The following DNAJA2 variants were observed in gnomAD, a reference collection of about 807,000 sequenced individuals.
The protein encoded by DNAJA2 is dnaJ homolog subfamily A member 2.
A neutral mutation model predicts 49.3 loss-of-function variants in DNAJA2; 6 were observed. The observed-to-expected ratio is 0.12, with a 90% CI of 0.07 to 0.24. The LOEUF (loss-of-function observed/expected upper bound fraction) is 0.24, where lower values mean the gene tolerates loss of function less well. Among genes scored for constraint, DNAJA2 ranks in the 10% least tolerant of loss-of-function variants. The pLI is 1.00. For synonymous variants in DNAJA2, 160 were observed against 172.7 expected, an observed-to-expected ratio of 0.93 and a Z score of 0.58; for missense variants, 347 against 516.8, an observed-to-expected ratio of 0.67 and a Z score of 3.19.
intron 8 of DNAJA2, among the ~76,000 whole-genome samples, chr16:46,957,617 T>TA (rs1384784087): frequency 6.0e-5 from 9 of 149,494 alleles, no homozygotes; most frequent in African/African-American, 2.2e-4. Flanking sequence ...AAAAAAAAGT[T>TA]AAAAAAAGGA....
At position 46,973,625 on chromosome 16, in the gene DNAJA2, AGTCGGGCCCACAAGCGGC is replaced by A; in HGVS notation, c.-71_-54del. The A allele has an allele frequency of 6.4e-7, 1 of 1,561,220 alleles. No individual in the cohort carries two copies. The highest frequency in any genetic ancestry group is 1.1e-5 in the South Asian group (1 of 87,910). On this transcript the variant is annotated 5_prime_UTR_variant, in exon 1 of 9. Coordinates refer to ENST00000317089, the MANE Select transcript of DNAJA2 (RefSeq NM_005880.4). Reference sequence around the variant, plus strand: ...GAAGGTGGCGAAGCAGACAGAGCGGAGTCGGGCCCACAAGCGGCGTCGGCGGCGGCACAGGCCGAGGGA... The same window carrying A: ...GAAGGTGGCGAAGCAGACAGAGCGGAGTCGGCGGCGGCACAGGCCGAGGGA...
chr16:46,966,541 A>T (rs1455146002), intron 5 of DNAJA2, among the ~76,000 whole-genome samples: 1 of 152,212 alleles, frequency 6.6e-6, no homozygotes, highest in South Asian at 2.1e-4. Flanking sequence ...ACAGAAAAAA[A>T]TTCTATTGGA....
chr16:46,965,526 A>G (rs1961956643), intron 5 of DNAJA2, among the ~76,000 whole-genome samples: 1 of 152,180 alleles, frequency 6.6e-6, no homozygotes, highest in Non-Finnish European at 1.5e-5. Flanking sequence ...TCTGCAAAAC[A>G]CGTTCTTCAA....
chr16:46,973,670 A>C lies in DNAJA2; in HGVS notation c.-98T>G. 2 of 1,296,656 alleles carry C rather than the reference A, an allele frequency of 1.5e-6. No homozygotes were observed. The highest frequency in any genetic ancestry group is 2.1e-5 in the Admixed American group (1 of 48,198). The allele number at this position is 1,296,656 out of a possible 1,614,324, so 80.3% of individuals were successfully genotyped here. A position where few individuals can be genotyped will look rare whatever the true frequency, so the allele number is the denominator to read the frequency against. ...TCGGCGGCGGCACAGGCCGAGGGAG[A>C]CAGCGAGGGGGAAGCGGGGGCGGGG... On this transcript the variant is annotated 5_prime_UTR_variant, in exon 1 of 9. Coordinates refer to ENST00000317089, the MANE Select transcript of DNAJA2 (RefSeq NM_005880.4).
chr16:46,964,457 C>T (rs1411434912), intron 6 of DNAJA2, among the ~76,000 whole-genome samples, 154 bp downstream of exon 6: 4 of 152,204 alleles, frequency 2.6e-5, no homozygotes, highest in Non-Finnish European at 4.4e-5. Context: ...GTCTTTCTTA[C>T]ACAAGCCCGT....
chr16:46,973,352 C>T, intron 1 of DNAJA2, 143 bp downstream of exon 1: 1 of 652,804 alleles, frequency 1.5e-6, no homozygotes, highest in Non-Finnish European at 2.0e-6. Flanking sequence ...GCCGGTCCCG[C>T]CGCCGCCGCC....
chr16:46,970,730 C>CAGAAAAAAA lies in DNAJA2; in HGVS notation c.362+618_362+619insTTTTTTTCT, dbSNP rs1962032663. Among the ~76,000 whole-genome samples, 2 of 32,200 alleles carry CAGAAAAAAA rather than the reference C, an allele frequency of 6.2e-5. 1 individual carries two copies. The highest frequency in any genetic ancestry group is 1.1e-4 in the Non-Finnish European group (2 of 17,694). 21.1% of individuals were successfully genotyped at this position (32,200 alleles called of 152,430 possible). A position where few individuals can be genotyped will look rare whatever the true frequency, so the allele number is the denominator to read the frequency against. On this transcript the variant is annotated intron_variant, in intron 3 of 8. Coordinates refer to ENST00000317089, the MANE Select transcript of DNAJA2 (RefSeq NM_005880.4). ...AACCCGGGCGACAGGGACTCCATTT[C>CAGAAAAAAA]AAAAAAAAAAAAAAAAAAAAAAAAA...
chr16:46,963,439 C>A (rs1187491548), intron 6 of DNAJA2, among the ~76,000 whole-genome samples: 1 of 150,960 alleles, frequency 6.6e-6, no homozygotes, highest in Non-Finnish European at 1.5e-5. Context: ...GAAGTTGAGA[C>A]AGGAGGATCG....
chr16:46,959,468 T>TA, intron 6 of DNAJA2, 49 bp from the exon 7 acceptor site: 1 of 1,518,574 alleles, frequency 6.6e-7, no homozygotes, highest in Non-Finnish European at 9.1e-7. Context: ...ATTATGGAGG[T>TA]ACACCCTGCA....
chr16:46,958,736 A>T, intron 8 of DNAJA2: 1 of 322,656 alleles, frequency 3.1e-6, no homozygotes, highest in Non-Finnish European at 5.7e-6. Context: ...CCGAGACTAC[A>T]CCACTGCACT....
At position 46,957,152 on chromosome 16, in the gene DNAJA2, C is replaced by T. The variant is rs908391216; in HGVS notation, c.1116G>A (p.Glu372=). ...CTCGAGTGCTATCAAATTCCTGAAG[C>T]TCTACCTCCTCTGTTTCTCCAATTA... ...PNIIGETEEV[E]LQEFDSTRGS... The change falls in exon 9 of 9, where the codon GAG becomes GAA. Residue 372 remains glutamate (E), a synonymous_variant. Transcript: ENST00000317089. The T allele has an allele frequency of 6.2e-7, 1 of 1,614,210 alleles. No individual in the cohort carries two copies. The highest frequency in any genetic ancestry group is 2.2e-5 in the East Asian group (1 of 44,894).
At chr16:46,973,448 G>GC in intron 1 of DNAJA2, 47 bp downstream of exon 1, 1 of 1,540,026 alleles carries the variant, frequency 6.5e-7, no homozygotes, top group Middle Eastern at 2.2e-4. Context: ...ATCCCTGGCC[G>GC]CGCAGGCCCC....
chr16:46,966,397 CTTGT>C (rs754596516), intron 5 of DNAJA2, among the ~76,000 whole-genome samples: 6 of 152,102 alleles, frequency 3.9e-5, no homozygotes, highest in South Asian at 4.1e-4. Flanking sequence ...CCTGTAGCTA[CTTGT>C]TTATGTTTAA....
At position 46,959,008 on chromosome 16, in the gene DNAJA2, G is replaced by A. The variant is rs1307028879; in HGVS notation, c.1042C>T (p.Leu348Phe). 3 of 1,579,130 alleles carry A rather than the reference G, an allele frequency of 1.9e-6. No homozygotes were observed. Among genetic ancestry groups the A allele is most frequent in the South Asian group, 1.2e-5 (1 of 85,266 alleles). The change falls in exon 8 of 9, where the codon CTT (leucine) becomes TTT (phenylalanine). Residue 348 changes from leucine (L) to phenylalanine (F), a missense_variant. Leu to Phe is a conservative substitution (Grantham distance 22). Transcript: ENST00000317089. ...PENNWINPDK[L>F]SELEDLLPSR... ...TTAATTTAAAGAACACTTACAGAAA[G>A]CTTGTCTGGGTTGATCCAGTTGTTT... is the stretch of plus-strand genomic sequence containing the variant.
At position 46,964,556 on chromosome 16, in the gene DNAJA2, C is replaced by T. The variant is rs1961942151; in HGVS notation, c.774+55G>A. 3 of 1,525,426 alleles carry T rather than the reference C, an allele frequency of 2.0e-6. No homozygotes were observed. The South Asian group carries it at 3.8e-5, about 19-fold the overall frequency. 94.5% of individuals were successfully genotyped at this position (1,525,426 alleles called of 1,614,324 possible). Reference sequence around the variant, plus strand: ...ACAGATCTAACCTATTTCTCACAAGCAAGAAGTACTTCTGAATAAAACAAA... The same window carrying T: ...ACAGATCTAACCTATTTCTCACAAGTAAGAAGTACTTCTGAATAAAACAAA... On this transcript the variant is annotated intron_variant, in intron 6 of 8. Coordinates refer to ENST00000317089, the MANE Select transcript of DNAJA2 (RefSeq NM_005880.4).
chr16:46,971,713 T>C (rs563805642), intron 2 of DNAJA2, 141 bp from the exon 3 acceptor site: 2 of 844,426 alleles, frequency 2.4e-6, no homozygotes, highest in South Asian at 1.6e-5. Flanking sequence ...TGGTTCTATT[T>C]ACCACCCACC....
At chr16:46,967,870 G>A (rs1961994527) in intron 4 of DNAJA2, among the ~76,000 whole-genome samples, 1 of 152,030 alleles carries the variant, frequency 6.6e-6, no homozygotes, top group Non-Finnish European at 1.5e-5. Context: ...CGCAATCTTG[G>A]TTCACTGCAA....
intron 6 of DNAJA2, among the ~76,000 whole-genome samples, chr16:46,962,106 A>G (rs1395710217): frequency 1.3e-5 from 2 of 152,158 alleles, no homozygotes; most frequent in Non-Finnish European, 2.9e-5. Context: ...TTCCATGCCA[A>G]TTCCACTGCT....
chr16:46,972,710 G>A (rs1447263096), intron 1 of DNAJA2: 2 of 152,214 alleles, frequency 1.3e-5, no homozygotes, highest in African/African-American at 2.4e-5. Context: ...TGGTGAGGAT[G>A]CTGTGGGGCT....
Sources: gnomAD v4.1 joint callset for allele counts (sites outside exome capture counted in the v4.1 genomes callset) on GRCh38, gnomAD v4.1.1 for gene constraint, MANE v1.5 for transcripts, NCBI Gene and HGNC (gene_info 2026-07-23, HGNC 2026-07-21) for gene names.